The following SLC35F2 variants were observed in gnomAD, a reference collection of about 807,000 sequenced individuals.
SLC35F2 encodes queuine/queuosine transporter SLC35F2.
In SLC35F2, 25 loss-of-function variants were observed where a neutral mutation model predicts 38.1. The observed-to-expected ratio is 0.66, with a 90% confidence interval of 0.48 to 0.92. The LOEUF (loss-of-function observed/expected upper bound fraction) is 0.92, where lower values mean the gene tolerates loss of function less well. SLC35F2 is among the 40% of genes least tolerant of loss of function. The probability of loss-of-function intolerance (pLI) is 0.00; values close to 1 mark genes in which losing one functional copy is unlikely to be tolerated. For synonymous variants in SLC35F2, 173 were observed against 181.7 expected, an observed-to-expected ratio of 0.95 and a Z score of 0.38; for missense variants, 409 against 452.9, an observed-to-expected ratio of 0.90 and a Z score of 0.88.
chr11:107,802,761 C>T (rs1449308649), intron 7 of SLC35F2, among the ~76,000 whole-genome samples: 1 of 152,186 alleles, frequency 6.6e-6, no homozygotes, highest in African/African-American at 2.4e-5. Context: ...TAAGCTAGTG[C>T]CCTGGGCCAT....
Position 107,835,964 on chromosome 11 carries a change from A to T in SLC35F2, c.111-19999T>A, listed in dbSNP as rs371043234. Among the ~76,000 whole-genome samples, 34 of 152,294 alleles carry T rather than the reference A, an allele frequency of 2.2e-4. No individual in the cohort carries two copies. The East Asian group carries it at 4.6e-3, about 21-fold the overall frequency. On this transcript the variant is annotated intron_variant, in intron 1 of 7. Coordinates refer to ENST00000525815, the MANE Select transcript of SLC35F2 (RefSeq NM_017515.5). The stretch of plus-strand genomic sequence containing the variant: ...TAAGGTCTTGACTTGAAGAATAAAG[A>T]CAAGTTGTCTGGGTCAAGAGAAGGG...
chr11:107,831,815 CCAGA>C (rs1460741822), intron 1 of SLC35F2, among the ~76,000 whole-genome samples: 12 of 152,216 alleles, frequency 7.9e-5, no homozygotes, highest in African/African-American at 2.6e-4. Context: ...TCATGATGTT[CCAGA>C]CAAAGAGAAC....
intron 1 of SLC35F2, among the ~76,000 whole-genome samples, chr11:107,845,924 G>T (rs1289394533): frequency 6.6e-6 from 1 of 151,360 alleles, no homozygotes; most frequent in East Asian, 1.9e-4. Context: ...TTGCACTCCA[G>T]CCTGGGCGAC....
At chr11:107,838,406 C>A (rs1859962437) in intron 1 of SLC35F2, among the ~76,000 whole-genome samples, 1 of 152,156 alleles carries the variant, frequency 6.6e-6, no homozygotes, top group South Asian at 2.1e-4. Context: ...CTCACTGCAA[C>A]CTCCACCTCC....
intron 1 of SLC35F2, among the ~76,000 whole-genome samples, chr11:107,844,118 T>C (rs1379163891): frequency 6.6e-6 from 1 of 151,930 alleles, no homozygotes; most frequent in Admixed American, 6.6e-5. Context: ...CCAAGGTCTG[T>C]TTTTTGTTTG....
intron 4 of SLC35F2, chr11:107,805,783 T>C: frequency 2.2e-6 from 1 of 456,326 alleles, no homozygotes; most frequent in Non-Finnish European, 2.9e-6. Context: ...TTCAAGTGAT[T>C]CTCCTGCCTC....
Position 107,858,692 on chromosome 11 carries a change from G to A in SLC35F2, c.76C>T (p.Leu26=), listed in dbSNP as rs750442104. The part of the protein sequence containing the change: ...AEGAAAEFSS[L]LRRIKGKLFT... ...AGTTTGCCTTTTATCCTGCGCAGCA[G>A]GCTGGAGAACTCGGCCGCCGCTCCC... The change falls in exon 1 of 8, where the codon CTG becomes TTG. Residue 26 remains leucine, a synonymous_variant. Coordinates refer to ENST00000525815, the MANE Select transcript of SLC35F2 (RefSeq NM_017515.5). 5 of 1,302,314 alleles carry A rather than the reference G, an allele frequency of 3.8e-6. No individual in the cohort carries two copies. Among genetic ancestry groups the A allele is most frequent in the Middle Eastern group, 2.0e-4 (1 of 4,892 alleles). The allele number at this position is 1,302,314 out of a possible 1,614,324, so 80.7% of individuals were successfully genotyped here.
rs1415290230 is a variant in SLC35F2 at position 107,845,178 on chromosome 11, A to G, written c.110+13480T>C. ...ACACTTCTGGAGTAGGAATATCCCC[A>G]CAATTCTCTGGGAAGATCTACTGCA... On this transcript the variant is annotated intron_variant, in intron 1 of 7. Coordinates refer to ENST00000525815, the MANE Select transcript of SLC35F2 (RefSeq NM_017515.5). Among the ~76,000 whole-genome samples, 3 of 152,264 alleles carry G rather than the reference A, an allele frequency of 2.0e-5. No homozygotes were observed. The East Asian group carries it at 5.8e-4, about 29-fold the overall frequency.
At chr11:107,825,531 A>C (rs682390) in intron 1 of SLC35F2, among the ~76,000 whole-genome samples, 150,334 of 152,098 alleles carry the variant, frequency 0.99, 74,292 homozygotes, top group East Asian at 1. Context: ...GCCACCACAC[A>C]CAGCTTATTT....
intron 1 of SLC35F2, among the ~76,000 whole-genome samples, chr11:107,834,272 A>T (rs2134829737): frequency 6.6e-6 from 1 of 152,324 alleles, no homozygotes; most frequent in Admixed American, 6.5e-5. Context: ...AACAGGGAAA[A>T]TTTAAAGTAG....
At chr11:107,854,227 T>C (rs1255914269) in intron 1 of SLC35F2, among the ~76,000 whole-genome samples, 1 of 150,154 alleles carries the variant, frequency 6.7e-6, no homozygotes, top group Non-Finnish European at 1.5e-5. Context: ...AGCCAAAGAG[T>C]TTGAGACCAG....
intron 7 of SLC35F2, among the ~76,000 whole-genome samples, chr11:107,796,801 TGGGA>T (rs1859224118): frequency 6.6e-6 from 1 of 152,128 alleles, no homozygotes; most frequent in South Asian, 2.1e-4. Context: ...CCCAATTAGC[TGGGA>T]CTACAGGTGT....
intron 3 of SLC35F2, among the ~76,000 whole-genome samples, chr11:107,808,117 T>C (rs544816775): frequency 6.8e-4 from 103 of 152,272 alleles, no homozygotes; most frequent in African/African-American, 2.4e-3. Context: ...CAAAGAAGCA[T>C]GGGTTACTGT....
rs1183181896 is a variant in SLC35F2, at chr11:107,815,837, T to C, written c.239A>G (p.Tyr80Cys). ...TGTATAAATTAGGAACAGCAAGCAA[T>C]AATTGATAAAGCTCTGAAGCATGGG... ...NTPMLQSFIN[Y>C]CLLFLIYTVM... Residue 80 changes from tyrosine (Y) to cysteine (C), a missense_variant, in exon 2 of 8, where the codon TAT becomes TGT. Coordinates refer to ENST00000525815, the MANE Select transcript of SLC35F2 (RefSeq NM_017515.5). 6.2e-7 allele frequency: 1 copy of C among 1,613,746 alleles called. No individual in the cohort carries two copies. Among genetic ancestry groups the C allele is most frequent in the Non-Finnish European group, 8.5e-7 (1 of 1,179,954 alleles).
chr11:107,813,572 T>C (rs571651582), intron 2 of SLC35F2, among the ~76,000 whole-genome samples: 15 of 152,332 alleles, frequency 9.8e-5, no homozygotes, highest in African/African-American at 3.6e-4. Context: ...ACTGCACTGA[T>C]ACATTTGGGA....
intron 1 of SLC35F2, among the ~76,000 whole-genome samples, chr11:107,852,090 T>C (rs1328484112): frequency 6.6e-6 from 1 of 152,060 alleles, no homozygotes; most frequent in Non-Finnish European, 1.5e-5. Context: ...AAAGCACAGG[T>C]GTATCCCAGA....
rs1185804423 is a variant in SLC35F2, at chr11:107,807,288, A to C, written c.415-412T>G. Among the ~76,000 whole-genome samples the C allele has an allele frequency of 7.8e-4, 65 of 83,546 alleles. 1 individual carries two copies. The highest frequency in any genetic ancestry group is 1.5e-3 in the Non-Finnish European group (63 of 41,280). 54.8% of individuals were successfully genotyped at this position (83,546 alleles called of 152,430 possible). A position where few individuals can be genotyped will look rare whatever the true frequency, so the allele number is the denominator to read the frequency against. On this transcript the variant is annotated intron_variant, in intron 3 of 7. Transcript: ENST00000525815. The stretch of plus-strand genomic sequence containing the variant: ...TGTCTGTACAAAAAAAAAAAAAAAC[A>C]ACAACAAAAAAAAACCTTGGGTGTG...
intron 1 of SLC35F2, among the ~76,000 whole-genome samples, chr11:107,845,047 G>A (rs1860083993): frequency 6.6e-6 from 1 of 151,112 alleles, no homozygotes; most frequent in Admixed American, 6.6e-5. Context: ...TGGTTGCTCA[G>A]TGCACAAAGT....
intron 3 of SLC35F2, chr11:107,810,128 T>C (rs1345327436): frequency 1.0e-6 from 1 of 985,320 alleles, no homozygotes; most frequent in Non-Finnish European, 1.2e-6. Context: ...AGAACCAGCT[T>C]GAATCATTCC....
Sources: allele counts gnomAD v4.1 joint callset (sites outside exome capture counted in the v4.1 genomes callset), GRCh38; gene constraint gnomAD v4.1.1; transcripts MANE v1.5; gene names NCBI Gene and HGNC (gene_info 2026-07-23, HGNC 2026-07-21).